ABCD4: variants seen among roughly 807,000 people sequenced by gnomAD.
The protein encoded by ABCD4 is lysosomal cobalamin transporter ABCD4.
ABCD4 carries 53 observed loss-of-function variants against 86.3 expected under a neutral mutation model. That is an observed-to-expected ratio of 0.61 (90% CI 0.49 to 0.77). The LOEUF (loss-of-function observed/expected upper bound fraction) is 0.77. Among genes scored for constraint, ABCD4 ranks in the 30% least tolerant of loss-of-function variants. The pLI, the probability that ABCD4 is intolerant of heterozygous loss-of-function variation, is 0.00. For missense variants in ABCD4, 757 were observed against 764.5 expected, an observed-to-expected ratio of 0.99 and a Z score of 0.12; for synonymous variants, 328 against 313.6, an observed-to-expected ratio of 1.05 and a Z score of -0.49.
In ABCD4 at chr14:74,296,323, G is replaced by A. The variant is rs1409283772; in HGVS notation, c.542+10C>T. 3 of 1,612,126 alleles carry A rather than the reference G, an allele frequency of 1.9e-6. No homozygotes were observed. The Admixed American group carries it at 5.0e-5, about 27-fold the overall frequency. ...GGGAAACACCAGGCTGGGGAGGAGG[G>A]AGGCTTCACCTTTGGAAGCACTGGT... On this transcript the variant is annotated intron_variant, in intron 5 of 18. Coordinates refer to ENST00000356924, the MANE Select transcript of ABCD4 (RefSeq NM_005050.4).
chr14:74,289,969 C>T (rs111524952), intron 13 of ABCD4, 58 bp downstream of exon 13: 3 of 1,611,450 alleles, frequency 1.9e-6, no homozygotes, highest in Non-Finnish European at 2.5e-6. Flanking sequence ...GCCAGAGGTC[C>T]CAGCTGTGGG....
In ABCD4 at chr14:74,286,962, G is replaced by C. The variant is rs4148080; in HGVS notation, c.1637-146C>G. ...CCAGAAGCCCTGCCTCAGGGAGAAGGATGGGCCAGAGGAGCAGAGGGCCAG... is the reference window on the plus strand; with the variant it reads ...CCAGAAGCCCTGCCTCAGGGAGAAGCATGGGCCAGAGGAGCAGAGGGCCAG... On this transcript the variant is annotated intron_variant, in intron 17 of 18. Transcript: ENST00000356924. 0.016 allele frequency: 11,272 copies of C among 686,274 alleles called. 285 individuals carry two copies. Among genetic ancestry groups the C allele is most frequent in the Admixed American group, 0.1 (3,658 of 36,722 alleles). 42.5% of individuals were successfully genotyped at this position (686,274 alleles called of 1,614,324 possible).
intron 18 of ABCD4, 74 bp from the exon 19 acceptor site, chr14:74,286,603 G>T (rs1438748858): frequency 6.2e-7 from 1 of 1,611,470 alleles, no homozygotes; most frequent in Non-Finnish European, 8.5e-7. Context: ...GGTTCTCTCT[G>T]CTACTGCTAC....
At chr14:74,289,881 A>G in intron 13 of ABCD4, 146 bp downstream of exon 13, 1 of 1,490,204 alleles carries the variant, frequency 6.7e-7, no homozygotes, top group Non-Finnish European at 8.9e-7. Flanking sequence ...AGGTTCTTAG[A>G]GCCAGCAGTT....
At position 74,293,136 on chromosome 14, in the gene ABCD4, C is replaced by T. The variant is rs750887331; in HGVS notation, c.814+18G>A. 1.2e-6 allele frequency: 2 copies of T among 1,612,110 alleles called. No homozygotes were observed. The highest frequency in any genetic ancestry group is 8.5e-7 in the Non-Finnish European group (1 of 1,178,806). Reference sequence around the variant, plus strand: ...GTCCAACCCCATGGTTCCCACTTCCCTGGGCCCCCTCGCCTACTGTACAGC... The same window carrying T: ...GTCCAACCCCATGGTTCCCACTTCCTTGGGCCCCCTCGCCTACTGTACAGC... On this transcript the variant is annotated intron_variant, in intron 8 of 18. Transcript: ENST00000356924.
At position 74,288,782 on chromosome 14, in the gene ABCD4, C is replaced by T. The variant is rs761126304; in HGVS notation, c.1457-17G>A. On this transcript the variant is annotated splice_polypyrimidine_tract_variant and intron_variant, in intron 14 of 18. Coordinates refer to ENST00000356924, the MANE Select transcript of ABCD4 (RefSeq NM_005050.4). ...CGGCAGAACCTGCACAACAAAGAAG[C>T]CTTCTGCAAAAAGCCAGAGCCTCCT... 2.4e-5 allele frequency: 38 copies of T among 1,612,544 alleles called. No individual in the cohort carries two copies. Among genetic ancestry groups the T allele is most frequent in the Admixed American group, 8.4e-5 (5 of 59,838 alleles).
At chr14:74,288,861 C>A in intron 14 of ABCD4, 96 bp from the exon 15 acceptor site, 1 of 1,473,934 alleles carries the variant, frequency 6.8e-7, no homozygotes, top group South Asian at 1.2e-5. Context: ...CGCCTGTAAT[C>A]CCAACACTTT....
intron 4 of ABCD4, chr14:74,297,593 A>G (rs892802591): frequency 1.6e-5 from 7 of 449,790 alleles, no homozygotes; most frequent in Non-Finnish European, 2.1e-5. Flanking sequence ...GGTTTCTGCT[A>G]TGTTGCCCAG....
rs763777109 is a variant in ABCD4, at chr14:74,286,784, CCT to C, written c.1667_1668del (p.Glu556GlyfsTer27). 1.4e-5 allele frequency: 23 copies of C among 1,614,116 alleles called. No individual in the cohort carries two copies. The East Asian group carries it at 2.5e-4, about 17-fold the overall frequency. On this transcript the variant is annotated frameshift_variant, in exon 18 of 19. Coordinates refer to ENST00000356924, the MANE Select transcript of ABCD4 (RefSeq NM_005050.4). LOFTEE classifies it high-confidence loss of function. ...ATGCGATAGAGCTCGCTCTCCACTT[CCT>C]CTGTCAGGGCACTGGTGGCTTCATC... ...VLDEATSALT[E>X]EVESELYRIG...
Position 74,297,957 on chromosome 14 carries a change from T to G in ABCD4, c.398A>C (p.Asn133Thr), listed in dbSNP as rs750827619. The change falls in exon 4 of 19, where the codon AAC becomes ACC. Residue 133 changes from asparagine to threonine, a missense_variant. Physicochemically the swap from Asn to Thr is moderately conservative, Grantham distance 65 (BLOSUM62 0). Coordinates refer to ENST00000356924, the MANE Select transcript of ABCD4 (RefSeq NM_005050.4). Reference sequence around the variant, plus strand: ...GTTATCGATGTCATCCCGCAGCACGTTGAGGGTGTAGTACGCACGGCCCCG... The same window carrying G: ...GTTATCGATGTCATCCCGCAGCACGGTGAGGGTGTAGTACGCACGGCCCCG... ...YFRGRAYYTL[N>T]VLRDDIDNPD... is the part of the protein sequence containing the mutation. The G allele has an allele frequency of 2.5e-5, 40 of 1,613,534 alleles. No individual in the cohort carries two copies. Among genetic ancestry groups the G allele is most frequent in the Non-Finnish European group, 3.3e-5 (39 of 1,179,914 alleles).
intron 7 of ABCD4, chr14:74,294,581 A>C (rs771575674): frequency 1.6e-4 from 24 of 154,342 alleles, no homozygotes; most frequent in Non-Finnish European, 2.7e-4. Flanking sequence ...CCTAACGCTG[A>C]TTTCAGAGGC....
chr14:74,302,815 C>G (rs1050119161), intron 1 of ABCD4, 60 bp downstream of exon 1: 1 of 1,532,156 alleles, frequency 6.5e-7, no homozygotes. Context: ...GGCAGGAAAG[C>G]CCATTCCCTA....
In ABCD4 at chr14:74,293,359, C is replaced by T. The variant is rs2082058742; in HGVS notation, c.720-111G>A. On this transcript the variant is annotated intron_variant, in intron 7 of 18. Coordinates refer to ENST00000356924, the MANE Select transcript of ABCD4 (RefSeq NM_005050.4). ...TAGAAACCAAGGCCATTCAAATGAT[C>T]TTGGTCTCAGGATCTGTCTACTGGT... The T allele has an allele frequency of 6.2e-6, 6 of 967,348 alleles. No homozygotes were observed. In the East Asian group the frequency reaches 1.0e-4, roughly 16 times the overall value. 59.9% of individuals were successfully genotyped at this position (967,348 alleles called of 1,614,324 possible). A position where few individuals can be genotyped will look rare whatever the true frequency, so the allele number is the denominator to read the frequency against.
intron 17 of ABCD4, among the ~76,000 whole-genome samples, chr14:74,287,566 A>AAAAG (rs1555392705): frequency 0.014 from 2,000 of 147,686 alleles, 48 homozygotes; most frequent in African/African-American, 0.05. Flanking sequence ...AAAAAAAAAA[A>AAAAG]AAAAGAAAAG....
chr14:74,288,675 C>G, intron 15 of ABCD4, 41 bp downstream of exon 15: 1 of 1,606,474 alleles, frequency 6.2e-7, no homozygotes, highest in Non-Finnish European at 8.5e-7. Flanking sequence ...GCTGGTGCTC[C>G]CAGGTGGGCT....
Position 74,302,917 on chromosome 14 carries a change from T to G in ABCD4, c.-5A>C, listed in dbSNP as rs2085090440. The G allele has an allele frequency of 6.2e-7, 1 of 1,607,606 alleles. No individual in the cohort carries two copies. The highest frequency in any genetic ancestry group is 8.5e-7 in the Non-Finnish European group (1 of 1,177,420). On this transcript the variant is annotated 5_prime_UTR_variant, in exon 1 of 19. Coordinates refer to ENST00000356924, the MANE Select transcript of ABCD4 (RefSeq NM_005050.4). ...CGCGGGCCCCGCGACCGCCATGACCTGAGACCCGAGGGACTCTGGAGCCCA... is the reference window on the plus strand; with the variant it reads ...CGCGGGCCCCGCGACCGCCATGACCGGAGACCCGAGGGACTCTGGAGCCCA...
intron 5 of ABCD4, 40 bp from the exon 6 acceptor site, chr14:74,296,019 G>A: frequency 6.4e-7 from 1 of 1,564,924 alleles, no homozygotes; most frequent in Non-Finnish European, 8.6e-7. Flanking sequence ...GAGGGTGTGG[G>A]GTGCCACCTA....
chr14:74,294,836 C>G (rs2082432215), intron 7 of ABCD4: 1 of 394,076 alleles, frequency 2.5e-6, no homozygotes, highest in Non-Finnish European at 4.6e-6. Flanking sequence ...GACAGAAGAG[C>G]AGAGGCAGAC....
intron 1 of ABCD4, among the ~76,000 whole-genome samples, chr14:74,300,930 G>A (rs1392243369): frequency 6.6e-6 from 1 of 151,808 alleles, no homozygotes; most frequent in Non-Finnish European, 1.5e-5. Flanking sequence ...TCGGATCACT[G>A]CAACCTCCGC....
Sources: gnomAD v4.1 joint callset for allele counts (sites outside exome capture counted in the v4.1 genomes callset) on GRCh38, gnomAD v4.1.1 for gene constraint, MANE v1.5 for transcripts, NCBI Gene and HGNC (gene_info 2026-07-23, HGNC 2026-07-21) for gene names.